USP32: variants seen among roughly 807,000 people sequenced by gnomAD.
The protein encoded by USP32 is ubiquitin specific peptidase 32.
USP32 carries 59 observed loss-of-function variants against 204.8 expected under a neutral mutation model. The ratio of observed to expected loss-of-function variants is 0.29; its 90% CI spans 0.23 to 0.36. The LOEUF (loss-of-function observed/expected upper bound fraction) is 0.36, where lower values mean the gene tolerates loss of function less well. Ranked by LOEUF, USP32 falls within the 10% of genes least tolerant of loss-of-function variation. The pLI, the probability that USP32 is intolerant of heterozygous loss-of-function variation, is 1.00. For missense variants in USP32, 1,160 were observed against 1,946.4 expected (o/e 0.60, Z 7.60); for synonymous variants, 517 against 678.4 (o/e 0.76, Z 3.70).
chr17:60,225,059 A>G lies in USP32; in HGVS notation c.1432+980T>C, dbSNP rs1397767369. Among the ~76,000 whole-genome samples, 3 of 152,334 alleles carry G rather than the reference A, an allele frequency of 2.0e-5. No homozygotes were observed. The East Asian group carries it at 5.8e-4, about 29-fold the overall frequency. ...GGGTGCATTTAATTTAATTATGTTT[A>G]TGGCTAGAGAGAGTCCTGGAGATGA... is the stretch of plus-strand genomic sequence containing the variant. On this transcript the variant is annotated intron_variant, in intron 13 of 33. Transcript: ENST00000300896.
At chr17:60,331,065 A>T (rs1446480650) in intron 2 of USP32, among the ~76,000 whole-genome samples, 1 of 152,238 alleles carries the variant, frequency 6.6e-6, no homozygotes, top group African/African-American at 2.4e-5. Context: ...CTAGGAAAAG[A>T]TCATTAAGTA....
chr17:60,282,121 T>C (rs1323192527), intron 5 of USP32, among the ~76,000 whole-genome samples: 2 of 152,236 alleles, frequency 1.3e-5, no homozygotes, highest in Non-Finnish European at 2.9e-5. Context: ...TACTGATTTA[T>C]TTCAATGACT....
chr17:60,391,860 G>A (rs1374890567), intron 1 of USP32, 22 bp downstream of exon 1: 1 of 1,585,090 alleles, frequency 6.3e-7, no homozygotes, highest in South Asian at 1.1e-5. Context: ...CAGGCAGCTC[G>A]CCCAGACCCC....
rs956327830 is a variant in USP32, at chr17:60,229,810, CT to C, written c.1240-3580del. ...TATAAAGTTGATGCATTACAAATTA[CT>C]TTTTTTTTCCTTCTTTTTTTGAGAC... On this transcript the variant is annotated intron_variant, in intron 12 of 33. Transcript: ENST00000300896. Among the ~76,000 whole-genome samples, 11 of 151,686 alleles carry C rather than the reference CT, an allele frequency of 7.3e-5. No individual in the cohort carries two copies. The East Asian group carries it at 1.5e-3, about 21-fold the overall frequency.
intron 5 of USP32, among the ~76,000 whole-genome samples, chr17:60,281,608 T>C (rs1466563851): frequency 6.6e-6 from 1 of 152,086 alleles, no homozygotes; most frequent in African/African-American, 2.4e-5. Flanking sequence ...AGGTATTACC[T>C]AATTTACTCC....
chr17:60,207,302 C>T (rs11490479), intron 24 of USP32, among the ~76,000 whole-genome samples, 170 bp from the exon 25 acceptor site: 1,736 of 152,220 alleles, frequency 0.011, 16 homozygotes, highest in Non-Finnish European at 0.018. Context: ...ATAAAAATAA[C>T]GGAAAACTAA....
intron 12 of USP32, among the ~76,000 whole-genome samples, chr17:60,235,322 C>G (rs1021886767): frequency 1.3e-5 from 2 of 152,160 alleles, no homozygotes; most frequent in African/African-American, 2.4e-5. Flanking sequence ...CTACAAGGTC[C>G]AGGAAGTCAT....
intron 1 of USP32, among the ~76,000 whole-genome samples, chr17:60,402,480 T>C (rs1463000996): frequency 1.3e-5 from 2 of 152,062 alleles, no homozygotes; most frequent in Non-Finnish European, 2.9e-5. Flanking sequence ...TGAACTTGGT[T>C]CAAGTGATCC....
At chr17:60,237,192 G>A (rs1184976092) in intron 11 of USP32, among the ~76,000 whole-genome samples, 2 of 151,640 alleles carry the variant, frequency 1.3e-5, no homozygotes, top group African/African-American at 4.9e-5. Context: ...CTAGGCTGGA[G>A]TGCAGTGGTG....
At chr17:60,211,688 G>C (rs1190496348) in intron 19 of USP32, among the ~76,000 whole-genome samples, 174 bp from the exon 20 acceptor site, 2 of 152,036 alleles carry the variant, frequency 1.3e-5, no homozygotes, top group African/African-American at 4.8e-5. Flanking sequence ...GGAGTGTCTG[G>C]CAACAGTGAT....
At chr17:60,275,036 C>T (rs1441681325) in intron 5 of USP32, among the ~76,000 whole-genome samples, 1 of 152,222 alleles carries the variant, frequency 6.6e-6, no homozygotes, top group African/African-American at 2.4e-5. Flanking sequence ...GTTTATTGAG[C>T]ATCTCCCTTG....
At chr17:60,389,135 C>T (rs1270354773) in intron 1 of USP32, among the ~76,000 whole-genome samples, 1 of 152,124 alleles carries the variant, frequency 6.6e-6, no homozygotes, top group African/African-American at 2.4e-5. Flanking sequence ...TACCCTTTCC[C>T]CCATTCATTT....
intron 2 of USP32, 112 bp downstream of exon 2, chr17:60,345,368 GA>G (rs1332942546): frequency 6.9e-7 from 1 of 1,458,140 alleles, no homozygotes; most frequent in Admixed American, 2.3e-5. Context: ...CACTCAGGAA[GA>G]AAAATAACTA....
rs544081437 is a variant in USP32 at position 60,264,687 on chromosome 17, T to A, written c.990+725A>T. ...GCCTGGCCAACATAACGAAACCCCA[T>A]CTCTACTCTAAAAATACAAAAAAAT... On this transcript the variant is annotated intron_variant, in intron 9 of 33. Coordinates refer to ENST00000300896, the MANE Select transcript of USP32 (RefSeq NM_032582.4). Among the ~76,000 whole-genome samples the A allele has an allele frequency of 5.3e-5, 8 of 151,114 alleles. No homozygotes were observed. The East Asian group carries it at 1.6e-3, about 29-fold the overall frequency.
upstream of USP32, among the ~76,000 whole-genome samples, chr17:60,392,942 G>A (rs1359496170): frequency 1.3e-5 from 2 of 152,084 alleles, no homozygotes; most frequent in Non-Finnish European, 2.9e-5. Flanking sequence ...AAGGCTTAGC[G>A]TGGAGTCGTT....
intron 6 of USP32, among the ~76,000 whole-genome samples, chr17:60,270,033 A>T (rs1051031433): frequency 2.0e-5 from 3 of 152,202 alleles, no homozygotes; most frequent in Non-Finnish European, 4.4e-5. Context: ...AGGAAGATAC[A>T]CTATGCAACA....
intron 12 of USP32, among the ~76,000 whole-genome samples, chr17:60,228,105 A>T (rs1194415189): frequency 6.6e-6 from 1 of 151,720 alleles, no homozygotes; most frequent in Admixed American, 6.6e-5. Flanking sequence ...GGCTCACAGC[A>T]ACCTCCGCCT....
At chr17:60,332,369 C>A (rs1014529700) in intron 2 of USP32, among the ~76,000 whole-genome samples, 1 of 152,000 alleles carries the variant, frequency 6.6e-6, no homozygotes, top group Non-Finnish European at 1.5e-5. Flanking sequence ...TACTCTGGGC[C>A]GGACGCGGTG....
At chr17:60,370,048 ATTT>A (rs960434333) in intron 1 of USP32, among the ~76,000 whole-genome samples, 2 of 145,886 alleles carry the variant, frequency 1.4e-5, no homozygotes, top group African/African-American at 2.5e-5. Context: ...CTACAAAATA[ATTT>A]TTTTTTTTTT....
Sources: gnomAD v4.1 joint callset for allele counts (sites outside exome capture counted in the v4.1 genomes callset) on GRCh38, gnomAD v4.1.1 for gene constraint, MANE v1.5 for transcripts, NCBI Gene and HGNC (gene_info 2026-07-23, HGNC 2026-07-21) for gene names.